RIMKLB: variants seen among roughly 807,000 people sequenced by gnomAD.
The protein encoded by RIMKLB is ribosomal modification protein rimK like family member B, also known as beta-citrylglutamate synthase B.
RIMKLB carries 7 observed loss-of-function variants against 32.0 expected under a neutral mutation model. The ratio of observed to expected loss-of-function variants is 0.22; its 90% confidence interval spans 0.12 to 0.41. RIMKLB has a LOEUF of 0.41. Ranked by LOEUF, RIMKLB falls within the 10% of genes least tolerant of loss-of-function variation. The pLI is 1.00. For synonymous variants in RIMKLB, 172 were observed against 185.1 expected (o/e 0.93, Z 0.57); for missense variants, 289 against 498.7 (o/e 0.58, Z 4.00).
At chr12:8,777,337 T>C (rs1950796468), downstream of RIMKLB, 1 of 994,858 alleles carries the variant, frequency 1.0e-6, no homozygotes, top group Admixed American at 6.1e-5. Flanking sequence ...AGAAATCTGC[T>C]GTTGGAATCT....
chr12:8,711,943 C>A (rs1419742336), intron 1 of RIMKLB, among the ~76,000 whole-genome samples: 1 of 152,142 alleles, frequency 6.6e-6, no homozygotes, highest in African/African-American at 2.4e-5. Context: ...AAAAGTCGTT[C>A]CATCAGGTTG....
At chr12:8,723,474 GAC>G (rs895678431) in intron 2 of RIMKLB, among the ~76,000 whole-genome samples, 2 of 152,196 alleles carry the variant, frequency 1.3e-5, no homozygotes, top group Non-Finnish European at 2.9e-5. Flanking sequence ...GTGACACAAA[GAC>G]ACAAAGTGAG....
chr12:8,727,151 G>T (rs1362269783), intron 2 of RIMKLB, among the ~76,000 whole-genome samples: 1 of 152,108 alleles, frequency 6.6e-6, no homozygotes, highest in African/African-American at 2.4e-5. Context: ...GTGTGTGCCT[G>T]CACGTGCACA....
intron 4 of RIMKLB, 103 bp from the exon 5 acceptor site, chr12:8,753,787 T>A (rs1158599693): frequency 1.1e-6 from 1 of 870,216 alleles, no homozygotes; most frequent in East Asian, 2.6e-5. Context: ...AAAATGTAGT[T>A]GGTTCTGAAA....
At chr12:8,674,072 G>A in the RIMKLB span, among the ~76,000 whole-genome samples, 2 of 152,046 alleles carry the variant, frequency 1.3e-5, no homozygotes, top group African/African-American at 4.8e-5. Flanking sequence ...TGGGAAGAGT[G>A]GCAAAAAACA....
At chr12:8,763,357 T>C (rs906451549) in intron 5 of RIMKLB, among the ~76,000 whole-genome samples, 4 of 152,244 alleles carry the variant, frequency 2.6e-5, no homozygotes, top group Non-Finnish European at 5.9e-5. Flanking sequence ...GGGCCTTCTT[T>C]AGGGCCTGGA....
chr12:8,708,683 A>G (rs1451918360), intron 1 of RIMKLB, among the ~76,000 whole-genome samples: 1 of 152,222 alleles, frequency 6.6e-6, no homozygotes, highest in East Asian at 1.9e-4. Flanking sequence ...GGTACTTTCT[A>G]AACTATTACC....
chr12:8,684,026 G>A (rs1942492945), intron 1 of RIMKLB, among the ~76,000 whole-genome samples: 2 of 152,084 alleles, frequency 1.3e-5, no homozygotes, highest in Non-Finnish European at 2.9e-5. Flanking sequence ...GGGATTATAG[G>A]CTTGAGCCAC....
At chr12:8,753,319 C>A (rs1231663501) in intron 4 of RIMKLB, among the ~76,000 whole-genome samples, 1 of 152,104 alleles carries the variant, frequency 6.6e-6, no homozygotes, top group Non-Finnish European at 1.5e-5. Context: ...ATCACAAGCC[C>A]TCCTAGATTC....
rs370071212 is a variant in RIMKLB at position 8,754,108 on chromosome 12, A to G, written c.697+15A>G. ...CTGCTCATTAGGTAAAAATAATGCAATTATCTTTCTAGTATATAAAGTAAC... is the reference window on the plus strand; with the variant it reads ...CTGCTCATTAGGTAAAAATAATGCAGTTATCTTTCTAGTATATAAAGTAAC... On this transcript the variant is annotated intron_variant, in intron 5 of 5. Transcript: ENST00000535829. 83 of 1,569,100 alleles carry G rather than the reference A, an allele frequency of 5.3e-5. No individual in the cohort carries two copies. The African/African-American group carries it at 1.0e-3, about 19-fold the overall frequency.
chr12:8,690,978 C>T (rs1186999327), intron 1 of RIMKLB, among the ~76,000 whole-genome samples: 2 of 152,096 alleles, frequency 1.3e-5, no homozygotes, highest in African/African-American at 4.8e-5. Context: ...GGTTAGAACA[C>T]TCCATGTTCT....
intron 1 of RIMKLB, among the ~76,000 whole-genome samples, chr12:8,700,886 C>T (rs1464820231): frequency 6.6e-6 from 1 of 151,962 alleles, no homozygotes; most frequent in East Asian, 1.9e-4. Flanking sequence ...GCCAACATGG[C>T]GAAACCCTGT....
rs762375659 is a variant in RIMKLB, at chr12:8,724,042, A to T, written c.175+10001A>T. Among the ~76,000 whole-genome samples, 12 of 152,018 alleles carry T rather than the reference A, an allele frequency of 7.9e-5. 1 individual carries two copies. The South Asian group carries it at 2.5e-3, about 32-fold the overall frequency. ...GAGTTGGGGTTTTGTCAAGTTGCCC[A>T]GGCTGGGCTTAAGCAATCTGCCCAC... On this transcript the variant is annotated intron_variant, in intron 2 of 5. Transcript: ENST00000535829.
intron 1 of RIMKLB, among the ~76,000 whole-genome samples, chr12:8,713,384 A>G (rs1944541201): frequency 6.6e-6 from 1 of 152,208 alleles, no homozygotes; most frequent in Non-Finnish European, 1.5e-5. Context: ...AATATACTTA[A>G]GCGGGGTTTC....
rs369953246 is a variant in RIMKLB at position 8,698,199 on chromosome 12, C to G, written c.-155C>G. On this transcript the variant is annotated 5_prime_UTR_variant, in exon 1 of 6. Coordinates refer to ENST00000535829, the MANE Select transcript of RIMKLB (RefSeq NM_001297776.2). ...GGTATCCCGACCCCCTCCCCCTCCT[C>G]TCCTTCCCCCACTTCCAGCCGCCCG... 3.0e-5 allele frequency: 11 copies of G among 364,154 alleles called. No individual in the cohort carries two copies. In the East Asian group the frequency reaches 5.8e-4, roughly 19 times the overall value. 22.6% of individuals were successfully genotyped at this position (364,154 alleles called of 1,614,324 possible). A position where few individuals can be genotyped will look rare whatever the true frequency, so the allele number is the denominator to read the frequency against.
At chr12:8,764,673 C>T (rs1949809610) in intron 5 of RIMKLB, among the ~76,000 whole-genome samples, 1 of 152,154 alleles carries the variant, frequency 6.6e-6, no homozygotes, top group African/African-American at 2.4e-5. Flanking sequence ...TTGCCCCAGG[C>T]ACCCTCAGTC....
chr12:8,686,058 G>T (rs770809336), intron 1 of RIMKLB, among the ~76,000 whole-genome samples: 15 of 151,950 alleles, frequency 9.9e-5, no homozygotes, highest in Non-Finnish European at 1.5e-4. Flanking sequence ...CGCCCACCTC[G>T]GTCTTCCAAA....
intron 5 of RIMKLB, among the ~76,000 whole-genome samples, chr12:8,771,454 T>G (rs1218139370): frequency 6.6e-6 from 1 of 152,214 alleles, no homozygotes; most frequent in Non-Finnish European, 1.5e-5. Context: ...GTTGGAGTGA[T>G]ATGCCAGGAA....
At chr12:8,697,143 G>C (rs1462700764), upstream of RIMKLB, 1 of 152,092 alleles carries the variant, frequency 6.6e-6, no homozygotes, top group African/African-American at 2.4e-5. Context: ...CACAACAAAG[G>C]CTCAGAGGAA....
Sources: allele counts gnomAD v4.1 joint callset (sites outside exome capture counted in the v4.1 genomes callset), GRCh38; gene constraint gnomAD v4.1.1; transcripts MANE v1.5; gene names NCBI Gene and HGNC (gene_info 2026-07-23, HGNC 2026-07-21).